UBR1: variants seen among roughly 807,000 people sequenced by gnomAD.
The protein encoded by UBR1 is ubiquitin protein ligase E3 component n-recognin 1.
In UBR1, 102 loss-of-function variants were observed where a neutral mutation model predicts 242.1. The ratio of observed to expected loss-of-function variants is 0.42; its 90% confidence interval spans 0.36 to 0.50. The LOEUF is 0.50. UBR1 is among the 20% of genes least tolerant of loss of function. The probability of loss-of-function intolerance (pLI) is 0.01; values close to 1 mark genes in which losing one functional copy is unlikely to be tolerated. For synonymous variants in UBR1, 675 were observed against 684.8 expected, an observed-to-expected ratio of 0.99 and a Z score of 0.22; for missense variants, 1,772 against 2,101.8, an observed-to-expected ratio of 0.84 and a Z score of 3.07.
rs184616495 is a variant in UBR1, at chr15:43,004,660, C to T, written c.3416-730G>A. On this transcript the variant is annotated intron_variant, in intron 30 of 46. Transcript: ENST00000290650. ...CCTCCCGAGGTGCCGGGATTGCAGA[C>T]GGAGTCTCGCTCACTCAGTGCTCAA... 5.8e-3 allele frequency among the ~76,000 whole-genome samples: 882 copies of T among 152,342 alleles called. 3 individuals carry two copies. The highest frequency in any genetic ancestry group is 9.5e-3 in the Non-Finnish European group (646 of 68,028).
intron 32 of UBR1, among the ~76,000 whole-genome samples, chr15:43,001,892 A>G (rs1232506975): frequency 6.6e-6 from 1 of 152,228 alleles, no homozygotes; most frequent in African/African-American, 2.4e-5. Flanking sequence ...AAAGATCATT[A>G]GAGCTATCAG....
intron 26 of UBR1, 111 bp from the exon 27 acceptor site, chr15:43,021,486 T>G: frequency 1.1e-6 from 1 of 889,890 alleles, no homozygotes; most frequent in Non-Finnish European, 1.9e-6. Flanking sequence ...TAATGCTCAA[T>G]TCCCTTATGT....
chr15:43,104,219 T>C (rs140199161), intron 1 of UBR1, among the ~76,000 whole-genome samples: 425 of 152,238 alleles, frequency 2.8e-3, no homozygotes, highest in African/African-American at 9.7e-3. Context: ...CTAGCTCAAT[T>C]CCTGTATCAT....
At chr15:43,063,138 C>T (rs948199212) in intron 6 of UBR1, among the ~76,000 whole-genome samples, 5 of 152,172 alleles carry the variant, frequency 3.3e-5, no homozygotes, top group African/African-American at 9.7e-5. Flanking sequence ...CTTGCAATCA[C>T]CATCACCTTA....
chr15:43,048,339 T>C (rs1478607093), intron 13 of UBR1, 53 bp downstream of exon 13: 12 of 1,428,696 alleles, frequency 8.4e-6, no homozygotes, highest in South Asian at 3.7e-5. Context: ...AAGACTGCGG[T>C]TCAATTTTTA....
At chr15:42,975,197 A>G (rs1596081742) in intron 39 of UBR1, among the ~76,000 whole-genome samples, 1 of 152,176 alleles carries the variant, frequency 6.6e-6, no homozygotes, top group Non-Finnish European at 1.5e-5. Flanking sequence ...CCCGGCCTCT[A>G]TTGTCTCTTT....
chr15:42,987,626 A>G (rs2032490590), intron 35 of UBR1, among the ~76,000 whole-genome samples: 1 of 141,388 alleles, frequency 7.1e-6, no homozygotes, highest in South Asian at 2.3e-4. Flanking sequence ...AGGCAGGAGA[A>G]TTGCTTGAAT....
At chr15:42,955,380 G>A (rs762900853) in intron 44 of UBR1, among the ~76,000 whole-genome samples, 3 of 152,108 alleles carry the variant, frequency 2.0e-5, no homozygotes, top group Non-Finnish European at 4.4e-5. Context: ...AAAACGTCTG[G>A]CTGCTGCATA....
chr15:42,955,683 A>C (rs2031907073), intron 44 of UBR1, among the ~76,000 whole-genome samples: 1 of 152,206 alleles, frequency 6.6e-6, no homozygotes, highest in Non-Finnish European at 1.5e-5. Flanking sequence ...TCAAATATGA[A>C]GTATTCACCC....
intron 39 of UBR1, 113 bp downstream of exon 39, chr15:42,976,604 A>G: frequency 7.4e-7 from 1 of 1,357,300 alleles, no homozygotes; most frequent in Non-Finnish European, 1.0e-6. Flanking sequence ...TCATTCAACA[A>G]AAAACATAAC....
chr15:43,105,328 C>T (rs532523197), intron 1 of UBR1, among the ~76,000 whole-genome samples: 6 of 152,286 alleles, frequency 3.9e-5, no homozygotes, highest in South Asian at 2.1e-4. Flanking sequence ...AATGCAAGAG[C>T]AAAGTATAGA....
At chr15:43,040,472 T>C (rs1596114495) in intron 15 of UBR1, among the ~76,000 whole-genome samples, 2 of 152,140 alleles carry the variant, frequency 1.3e-5, no homozygotes, top group South Asian at 2.1e-4. Context: ...AAGACTTAAA[T>C]GTAAGACCTA....
chr15:43,072,769 C>G (rs2033838606), intron 4 of UBR1, among the ~76,000 whole-genome samples: 1 of 152,156 alleles, frequency 6.6e-6, no homozygotes, highest in Admixed American at 6.5e-5. Context: ...GCTACATCTA[C>G]TGAGATGATA....
chr15:43,040,768 A>G (rs547282946), intron 15 of UBR1, among the ~76,000 whole-genome samples: 23 of 152,382 alleles, frequency 1.5e-4, no homozygotes, highest in African/African-American at 5.3e-4. Context: ...AACTCCATTG[A>G]AAAGCAGGCG....
intron 1 of UBR1, 81 bp downstream of exon 1, chr15:43,105,861 G>A (rs997090263): frequency 2.2e-6 from 3 of 1,368,266 alleles, no homozygotes; most frequent in Non-Finnish European, 3.1e-6. Context: ...GCCGCCATAA[G>A]GGGTGAAGCC....
Position 42,945,106 on chromosome 15 carries a change from T to C in UBR1, c.*223A>G. ...AAGGGGAATAAATTCCTGGAAATAC[T>C]AGCACATAAAACAGATTGATCTATG... is the stretch of plus-strand genomic sequence containing the variant. On this transcript the variant is annotated 3_prime_UTR_variant, in exon 47 of 47. Coordinates refer to ENST00000290650, the MANE Select transcript of UBR1 (RefSeq NM_174916.3). 1 of 566,938 alleles carries C rather than the reference T, an allele frequency of 1.8e-6. No homozygotes were observed. The highest frequency in any genetic ancestry group is 3.1e-5 in the Admixed American group (1 of 32,300). 35.1% of individuals were successfully genotyped at this position (566,938 alleles called of 1,614,324 possible).
chr15:43,059,956 A>C, intron 7 of UBR1, 96 bp downstream of exon 7: 1 of 1,550,760 alleles, frequency 6.4e-7, no homozygotes, highest in Non-Finnish European at 8.9e-7. Flanking sequence ...GCCCCAAACC[A>C]CTTCAACGAC....
chr15:43,032,573 A>C lies in UBR1; in HGVS notation c.2249T>G (p.Ile750Ser). The change falls in exon 20 of 47, where the codon ATT becomes AGT. Residue 750 changes from isoleucine to serine, a missense_variant. By Grantham distance (142) the Ile-to-Ser change is moderately radical. Coordinates refer to ENST00000290650, the MANE Select transcript of UBR1 (RefSeq NM_174916.3). The stretch of plus-strand genomic sequence containing the variant: ...ACATTGTGTTTTAATCTTACCCACA[A>C]TATAGATGAGGACCTGAAGCATTTC... The part of the protein sequence containing the change: ...IEEMLQVLIY[I>S]VGERYVPGVG... 6.5e-7 allele frequency: 1 copy of C among 1,534,174 alleles called. No homozygotes were observed. The highest frequency in any genetic ancestry group is 9.0e-7 in the Non-Finnish European group (1 of 1,112,484).
At chr15:42,996,400 C>G (rs1377093339) in intron 33 of UBR1, among the ~76,000 whole-genome samples, 1 of 151,940 alleles carries the variant, frequency 6.6e-6, no homozygotes, top group African/African-American at 2.4e-5. Flanking sequence ...AGTTTGAGAC[C>G]AGTCTGGGCA....
Sources: gnomAD v4.1 joint callset for allele counts (sites outside exome capture counted in the v4.1 genomes callset) on GRCh38, gnomAD v4.1.1 for gene constraint, MANE v1.5 for transcripts, NCBI Gene and HGNC (gene_info 2026-07-23, HGNC 2026-07-21) for gene names.